Variants in CACNA2D1 observed in about 807,000 individuals in gnomAD.
CACNA2D1 encodes voltage-dependent calcium channel subunit alpha-2/delta-1.
CACNA2D1 carries 53 observed loss-of-function variants against 171.5 expected under a neutral mutation model. The ratio of observed to expected loss-of-function variants is 0.31; its 90% CI spans 0.25 to 0.39. The LOEUF (loss-of-function observed/expected upper bound fraction) is 0.39, where lower values mean the gene tolerates loss of function less well. CACNA2D1 is among the 10% of genes least tolerant of loss of function. The pLI is 1.00. For missense variants in CACNA2D1, 903 were observed against 1,299.8 expected (o/e 0.69, Z 4.69); for synonymous variants, 442 against 443.1 (o/e 1.00, Z 0.03).
Position 81,953,463 on chromosome 7 carries a change from G to T in CACNA2D1, c.3160-2955C>A, listed in dbSNP as rs184770717. 1.7e-3 allele frequency among the ~76,000 whole-genome samples: 257 copies of T among 152,078 alleles called. 2 individuals carry two copies. Among genetic ancestry groups the T allele is most frequent in the African/African-American group, 6.0e-3 (249 of 41,506 alleles). ...TCTGCAACAGGCCAAGCTGTTTACT[G>T]CCTTTGCATTTGTTCTTTTTGTTCA... On this transcript the variant is annotated intron_variant, in intron 38 of 38. Transcript: ENST00000356860.
chr7:82,038,050 C>G, intron 11 of CACNA2D1, 27 bp downstream of exon 11: 2 of 1,609,328 alleles, frequency 1.2e-6, no homozygotes, highest in Non-Finnish European at 1.7e-6. Context: ...ACAACAACAA[C>G]AACAAAAGAC....
At chr7:82,123,612 A>C (rs955589503) in intron 5 of CACNA2D1, among the ~76,000 whole-genome samples, 6 of 152,194 alleles carry the variant, frequency 3.9e-5, no homozygotes, top group African/African-American at 1.4e-4. Flanking sequence ...CTGCCCAGGC[A>C]GCACAGCATG....
At chr7:82,186,656 C>T (rs1797815788) in intron 3 of CACNA2D1, among the ~76,000 whole-genome samples, 1 of 152,018 alleles carries the variant, frequency 6.6e-6, no homozygotes, top group African/African-American at 2.4e-5. Context: ...TTATTATACA[C>T]TATTTTATCA....
At chr7:82,006,400 A>G (rs1000217211) in intron 16 of CACNA2D1, among the ~76,000 whole-genome samples, 4 of 152,102 alleles carry the variant, frequency 2.6e-5, no homozygotes, top group African/African-American at 9.7e-5. Flanking sequence ...AGCAACAGGC[A>G]TCATAGTTTT....
intron 3 of CACNA2D1, among the ~76,000 whole-genome samples, chr7:82,266,752 G>T (rs909082001): frequency 6.6e-6 from 1 of 152,036 alleles, no homozygotes; most frequent in Non-Finnish European, 1.5e-5. Context: ...CCTGACCTCA[G>T]GTGATCCGCC....
At chr7:82,348,590 C>T (rs1197409188) in intron 2 of CACNA2D1, among the ~76,000 whole-genome samples, 1 of 152,118 alleles carries the variant, frequency 6.6e-6, no homozygotes, top group Admixed American at 6.5e-5. Flanking sequence ...ACACTCTCTA[C>T]AGTTGTTTTA....
chr7:82,037,679 G>A (rs1018041904), intron 11 of CACNA2D1, among the ~76,000 whole-genome samples: 3 of 152,108 alleles, frequency 2.0e-5, no homozygotes, highest in Admixed American at 6.6e-5. Context: ...CAAACTAGAT[G>A]TTTAAAACTA....
At chr7:82,171,396 G>A (rs890802451) in intron 3 of CACNA2D1, among the ~76,000 whole-genome samples, 2 of 151,762 alleles carry the variant, frequency 1.3e-5, no homozygotes, top group East Asian at 3.9e-4. Flanking sequence ...CATGTGATAG[G>A]CTTTCATAAG....
chr7:82,066,432 C>T (rs1807616811), intron 8 of CACNA2D1, 23 bp downstream of exon 8: 4 of 1,609,454 alleles, frequency 2.5e-6, no homozygotes, highest in Non-Finnish European at 2.5e-6. Flanking sequence ...TTTATCTTTT[C>T]ATGGCTAGCT....
At chr7:82,137,746 G>A (rs1474106199) in intron 4 of CACNA2D1, among the ~76,000 whole-genome samples, 1 of 129,198 alleles carries the variant, frequency 7.7e-6, no homozygotes, top group African/African-American at 3.1e-5. Context: ...CGGGCGTGGT[G>A]GCGGGTGCCT....
chr7:81,974,554 T>TTA lies in CACNA2D1; in HGVS notation c.1956-3_1956-2insTA. The TTA allele has an allele frequency of 7.2e-7, 1 of 1,394,466 alleles. No homozygotes were observed. Among genetic ancestry groups the TTA allele is most frequent in the South Asian group, 1.2e-5 (1 of 84,188 alleles). The allele number at this position is 1,394,466 out of a possible 1,614,324, so 86.4% of individuals were successfully genotyped here. A position where few individuals can be genotyped will look rare whatever the true frequency, so the allele number is the denominator to read the frequency against. On this transcript the variant is annotated splice_polypyrimidine_tract_variant and splice_region_variant and intron_variant, in intron 24 of 38. Coordinates refer to ENST00000356860, the MANE Select transcript of CACNA2D1 (RefSeq NM_000722.4). ...ATTTTCAGGTCATTGCAGTAATCTC[T>TTA]GAAAAAAAAACATTTTGAGATATTA...
intron 1 of CACNA2D1, among the ~76,000 whole-genome samples, chr7:82,380,686 G>A (rs536120743): frequency 6.6e-6 from 1 of 151,886 alleles, no homozygotes; most frequent in African/African-American, 2.4e-5. Flanking sequence ...CTCATTTACT[G>A]TGTATGTGTA....
chr7:82,055,387 A>G (rs573979850), intron 10 of CACNA2D1, among the ~76,000 whole-genome samples: 1 of 152,200 alleles, frequency 6.6e-6, no homozygotes, highest in Non-Finnish European at 1.5e-5. Flanking sequence ...GCCAAGTACC[A>G]TTTGACCCAG....
chr7:81,971,556 G>C (rs142029614), intron 26 of CACNA2D1, among the ~76,000 whole-genome samples: 1 of 151,710 alleles, frequency 6.6e-6, no homozygotes, highest in African/African-American at 2.4e-5. Context: ...TATTCACCCT[G>C]AAGTGTATGT....
chr7:81,971,508 C>A (rs1486345222), intron 26 of CACNA2D1, among the ~76,000 whole-genome samples: 8 of 151,546 alleles, frequency 5.3e-5, no homozygotes, highest in Non-Finnish European at 1.5e-5. Flanking sequence ...TACTTTAGCA[C>A]AAACAGAAAC....
At chr7:82,431,476 T>C (rs7782484) in intron 1 of CACNA2D1, among the ~76,000 whole-genome samples, 99,588 of 151,970 alleles carry the variant, frequency 0.66, 33,695 homozygotes, top group African/African-American at 0.82. Flanking sequence ...GTTAGTTATG[T>C]TCTACTTTAC....
chr7:82,387,521 T>A (rs1353764639), intron 1 of CACNA2D1, among the ~76,000 whole-genome samples: 1 of 152,206 alleles, frequency 6.6e-6, no homozygotes, highest in Admixed American at 6.5e-5. Flanking sequence ...TGTTTAATCA[T>A]GCTGGGAAGT....
chr7:82,018,615 T>A (rs952115825), intron 12 of CACNA2D1, among the ~76,000 whole-genome samples: 6 of 152,256 alleles, frequency 3.9e-5, no homozygotes, highest in African/African-American at 1.2e-4. Flanking sequence ...ATAAAAAAAA[T>A]TCTTATAATT....
At chr7:82,389,634 C>T (rs531714304) in intron 1 of CACNA2D1, among the ~76,000 whole-genome samples, 2 of 152,102 alleles carry the variant, frequency 1.3e-5, no homozygotes, top group South Asian at 4.2e-4. Flanking sequence ...AGATTCGATG[C>T]CTCATTCTTA....
Sources: gnomAD v4.1 joint callset for allele counts (sites outside exome capture counted in the v4.1 genomes callset) on GRCh38, gnomAD v4.1.1 for gene constraint, MANE v1.5 for transcripts, NCBI Gene and HGNC (gene_info 2026-07-23, HGNC 2026-07-21) for gene names.